SUSD1: variants seen among roughly 807,000 people sequenced by gnomAD.
SUSD1 encodes sushi domain-containing protein 1.
In SUSD1, 65 loss-of-function variants were observed where a neutral mutation model predicts 86.9. The observed-to-expected ratio is 0.75, with a 90% CI of 0.61 to 0.92. The LOEUF is 0.92. Among genes scored for constraint, SUSD1 ranks in the 40% least tolerant of loss-of-function variants. SUSD1 has a pLI of 0.00. For missense variants in SUSD1, 850 were observed against 929.7 expected, an observed-to-expected ratio of 0.91 and a Z score of 1.11; for synonymous variants, 346 against 350.0, an observed-to-expected ratio of 0.99 and a Z score of 0.13.
intron 10 of SUSD1, among the ~76,000 whole-genome samples, chr9:112,084,891 T>G (rs1829911797): frequency 6.6e-6 from 1 of 152,170 alleles, no homozygotes; most frequent in Admixed American, 6.5e-5. Flanking sequence ...AATTAAGCTC[T>G]TAATGAAACT....
At chr9:112,083,897 G>A (rs939122819) in intron 10 of SUSD1, among the ~76,000 whole-genome samples, 5 of 152,178 alleles carry the variant, frequency 3.3e-5, no homozygotes, top group South Asian at 4.1e-4. Context: ...TTCCCATTGC[G>A]CTTTACATAT....
intron 10 of SUSD1, among the ~76,000 whole-genome samples, chr9:112,084,673 T>C (rs1048262047): frequency 1.3e-5 from 2 of 152,184 alleles, no homozygotes; most frequent in Admixed American, 6.5e-5. Context: ...GGATCCCCAG[T>C]AGAGCTCATC....
rs951328781 is a variant in SUSD1, at chr9:112,113,010, C to A, written c.887-142G>T. On this transcript the variant is annotated intron_variant, in intron 6 of 16. Coordinates refer to ENST00000374270, the MANE Select transcript of SUSD1 (RefSeq NM_022486.5). The surrounding 1 kb of genome is among the most constrained non-coding windows in gnomAD (Gnocchi z 4.1). ...GAGGCAGACACTGAGTCAGGCAATG[C>A]AAGCTCTCCCAAGCCAATCACCCAA... 2.3e-4 allele frequency: 142 copies of A among 610,414 alleles called. No individual in the cohort carries two copies. In the Admixed American group the frequency reaches 3.6e-3, roughly 16 times the overall value. The allele number at this position is 610,414 out of a possible 1,614,324, so 37.8% of individuals were successfully genotyped here.
intron 8 of SUSD1, among the ~76,000 whole-genome samples, chr9:112,102,605 T>A (rs1487660072): frequency 6.6e-6 from 1 of 152,234 alleles, no homozygotes; most frequent in Non-Finnish European, 1.5e-5. Flanking sequence ...AAAGCTGTGA[T>A]ATTTTTAGAA....
chr9:112,058,003 A>T (rs929237863), intron 14 of SUSD1, among the ~76,000 whole-genome samples: 2 of 152,236 alleles, frequency 1.3e-5, no homozygotes, highest in African/African-American at 4.8e-5. Flanking sequence ...GACCTATGCC[A>T]TAGCTGCGGA....
chr9:112,163,484 T>A lies in SUSD1; in HGVS notation c.104-5871A>T, dbSNP rs925156467. 2.3e-4 allele frequency among the ~76,000 whole-genome samples: 34 copies of A among 150,932 alleles called. No individual in the cohort carries two copies. The East Asian group carries it at 3.6e-3, about 16-fold the overall frequency. The stretch of plus-strand genomic sequence containing the variant: ...CATCGCTACCAAAAAAAAAAAAAAA[T>A]TTAATTAGCTGGGCATGGTGGTGCA... On this transcript the variant is annotated intron_variant, in intron 1 of 16. Coordinates refer to ENST00000374270, the MANE Select transcript of SUSD1 (RefSeq NM_022486.5).
At chr9:112,077,170 T>C (rs1015365804) in intron 12 of SUSD1, among the ~76,000 whole-genome samples, 3 of 151,926 alleles carry the variant, frequency 2.0e-5, no homozygotes, top group African/African-American at 7.3e-5. Context: ...TAATTCTGTA[T>C]TGAGGGGAAG....
chr9:112,111,302 CTT>C (rs773258898), intron 8 of SUSD1, among the ~76,000 whole-genome samples: 11 of 152,096 alleles, frequency 7.2e-5, no homozygotes, highest in Non-Finnish European at 1.0e-4. Context: ...CCAGAAATGA[CTT>C]TTGAGTTTAC....
Position 112,041,374 on chromosome 9 carries a change from G to C in SUSD1, c.*118C>G. On this transcript the variant is annotated 3_prime_UTR_variant, in exon 17 of 17. Coordinates refer to ENST00000374270, the MANE Select transcript of SUSD1 (RefSeq NM_022486.5). ...GGCCCAGCTGGGAATGGAGAAAGTT[G>C]CAGGCCCACATGCTCCCTGGACGGA... is the stretch of plus-strand genomic sequence containing the variant. 1.3e-6 allele frequency: 1 copy of C among 760,746 alleles called. No homozygotes were observed. Among genetic ancestry groups the C allele is most frequent in the Non-Finnish European group, 2.4e-6 (1 of 409,516 alleles). The allele number at this position is 760,746 out of a possible 1,614,324, so 47.1% of individuals were successfully genotyped here.
chr9:112,058,329 A>C (rs1828543067), intron 14 of SUSD1, 99 bp downstream of exon 14: 1 of 1,413,768 alleles, frequency 7.1e-7, no homozygotes, highest in African/African-American at 1.4e-5. Context: ...TGTTACATGC[A>C]GTGACCCTCT....
At chr9:112,102,582 T>C (rs1162439001) in intron 8 of SUSD1, among the ~76,000 whole-genome samples, 2 of 152,216 alleles carry the variant, frequency 1.3e-5, no homozygotes, top group Non-Finnish European at 2.9e-5. Context: ...AAAATTGCTA[T>C]AAATTAATAA....
intron 3 of SUSD1, among the ~76,000 whole-genome samples, chr9:112,144,615 C>T (rs570529997): frequency 2.9e-4 from 44 of 152,140 alleles, no homozygotes; most frequent in Non-Finnish European, 3.1e-4. Flanking sequence ...TTAAAATTAA[C>T]TTAAAATATA....
At chr9:112,099,835 A>T (rs898471483) in intron 9 of SUSD1, among the ~76,000 whole-genome samples, 1 of 152,196 alleles carries the variant, frequency 6.6e-6, no homozygotes, top group Non-Finnish European at 1.5e-5. Context: ...GTTCATAAGG[A>T]TTCTTCTCTC....
rs747698645 is a variant in SUSD1, at chr9:112,041,504, G to A, written c.*-12C>T. ...TGTCCATCTGCCATCTAGACATGGA[G>A]GAGGAAAAGAAAAGAGACAAATATG... On this transcript the variant is annotated splice_polypyrimidine_tract_variant and intron_variant, in intron 16 of 16. Coordinates refer to ENST00000374270, the MANE Select transcript of SUSD1 (RefSeq NM_022486.5). 1.3e-6 allele frequency: 1 copy of A among 780,946 alleles called. No homozygotes were observed. The allele number at this position is 780,946 out of a possible 1,614,324, so 48.4% of individuals were successfully genotyped here. A position where few individuals can be genotyped will look rare whatever the true frequency, so the allele number is the denominator to read the frequency against.
intron 10 of SUSD1, among the ~76,000 whole-genome samples, chr9:112,096,108 A>C (rs558110337): frequency 6.6e-6 from 1 of 152,328 alleles, no homozygotes; most frequent in African/African-American, 2.4e-5. Flanking sequence ...GGTAACCTAC[A>C]GAGGCTGAAC....
Position 112,124,425 on chromosome 9 carries a change from C to T in SUSD1, c.718G>A (p.Gly240Ser). 2 of 1,613,846 alleles carry T rather than the reference C, an allele frequency of 1.2e-6. No individual in the cohort carries two copies. The highest frequency in any genetic ancestry group is 1.7e-6 in the Non-Finnish European group (2 of 1,179,850). ...PKLHCQEINC[G>S]NPPEMRHAIL... ...GCGTGCCGCATTTCTGGAGGGTTGC[C>T]ACAGTTGATCTCTGCAATGGGAACC... The change falls in exon 6 of 17, where the codon GGC becomes AGC. Residue 240 changes from glycine to serine, a missense_variant. Physicochemically the swap from Gly to Ser is moderately conservative, Grantham distance 56 (BLOSUM62 0). Coordinates refer to ENST00000374270, the MANE Select transcript of SUSD1 (RefSeq NM_022486.5).
intron 10 of SUSD1, among the ~76,000 whole-genome samples, chr9:112,083,258 C>G (rs1014528867): frequency 6.6e-6 from 1 of 151,940 alleles, no homozygotes; most frequent in African/African-American, 2.4e-5. Context: ...GATGTAGTCT[C>G]TCTCTGTTTC....
intron 6 of SUSD1, among the ~76,000 whole-genome samples, chr9:112,116,906 G>A (rs1589679431): frequency 6.6e-6 from 1 of 152,188 alleles, no homozygotes. Context: ...TTGAGAGGCC[G>A]AGGCAGACGG....
rs869259276 is a variant in SUSD1 at position 112,077,499 on chromosome 9, C to CTTT, written c.1753+1036_1753+1038dup. 1.1e-3 allele frequency among the ~76,000 whole-genome samples: 74 copies of CTTT among 66,420 alleles called. 13 individuals are homozygous for CTTT. Among genetic ancestry groups the CTTT allele is most frequent in the African/African-American group, 2.1e-3 (35 of 16,520 alleles). 43.6% of individuals were successfully genotyped at this position (66,420 alleles called of 152,430 possible). A position where few individuals can be genotyped will look rare whatever the true frequency, so the allele number is the denominator to read the frequency against. On this transcript the variant is annotated intron_variant, in intron 12 of 16. Transcript: ENST00000374270. ...ATCATTGTCCCCTGATAGTAATCTA[C>CTTT]TTTTTTTTTTTTTTTTTTTTTTTTT... is the stretch of plus-strand genomic sequence containing the variant.
Sources: gnomAD v4.1 joint callset for allele counts (sites outside exome capture counted in the v4.1 genomes callset) on GRCh38, gnomAD v4.1.1 for gene constraint, Gnocchi (gnomAD v3.1) non-coding constraint, MANE v1.5 for transcripts, NCBI Gene and HGNC (gene_info 2026-07-23, HGNC 2026-07-21) for gene names.